The following KCNA4 variants were observed in gnomAD, a reference collection of about 807,000 sequenced individuals.
KCNA4 encodes the protein potassium voltage-gated channel subfamily A member 4.
A neutral mutation model predicts 37.2 loss-of-function variants in KCNA4; 5 were observed. That is an observed-to-expected ratio of 0.13 (90% CI 0.07 to 0.28). The LOEUF (loss-of-function observed/expected upper bound fraction) is 0.28, where lower values mean the gene tolerates loss of function less well. Among genes scored for constraint, KCNA4 ranks in the 10% least tolerant of loss-of-function variants. KCNA4 has a pLI of 1.00. For missense variants in KCNA4, 634 were observed against 817.4 expected (o/e 0.78, Z 2.74); for synonymous variants, 350 against 311.8 (o/e 1.12, Z -1.29).
Position 30,012,617 on chromosome 11 carries a change from T to C in KCNA4, c.62A>G (p.Tyr21Cys), listed in dbSNP as rs1280008064. ...SGCNSHMPYG[Y>C]AAQARARERE... Reference sequence around the variant, plus strand: ...CTCCCGGGCCCGGGCCTGGGCAGCATAACCATAAGGCATGTGACTGTTGCA... The same window carrying C: ...CTCCCGGGCCCGGGCCTGGGCAGCACAACCATAAGGCATGTGACTGTTGCA... The change falls in exon 2 of 2, where the codon TAT becomes TGT. Residue 21 changes from tyrosine (Y) to cysteine (C), a missense_variant. Transcript: ENST00000328224. The C allele has an allele frequency of 5.0e-6, 8 of 1,607,326 alleles. No individual in the cohort carries two copies. The highest frequency in any genetic ancestry group is 6.8e-6 in the Non-Finnish European group (8 of 1,178,188).
Position 30,013,094 on chromosome 11 carries a change from T to A in KCNA4, c.-416A>T. 1 of 173,960 alleles carries A rather than the reference T, an allele frequency of 5.7e-6. No individual in the cohort carries two copies. The highest frequency in any genetic ancestry group is 2.4e-5 in the African/African-American group (1 of 41,816). 10.8% of individuals were successfully genotyped at this position (173,960 alleles called of 1,614,324 possible). On this transcript the variant is annotated 5_prime_UTR_variant, in exon 2 of 2. Transcript: ENST00000328224. ...AGTTGTGCCTAGAAAATGAAATATA[T>A]TTTTCTGCCATGGAAATTGGCCAAT...
In KCNA4 at chr11:30,011,773, G is replaced by A. The variant is rs780653547; in HGVS notation, c.906C>T (p.Ser302=). Residue 302 remains serine, a synonymous_variant, in exon 2 of 2, where the codon AGC becomes AGT. Coordinates refer to ENST00000328224, the MANE Select transcript of KCNA4 (RefSeq NM_002233.4). The surrounding 1 kb of genome is among the most constrained non-coding windows in gnomAD (Gnocchi z 5.6). ...QIWLLFEYPE[S]SSPARGIAIV... ...TGGCTATGCCCCTTGCAGGACTGGA[G>A]CTCTCTGGATATTCAAAGAGGAGCC... 1.9e-6 allele frequency: 3 copies of A among 1,614,098 alleles called. No homozygotes were observed. The highest frequency in any genetic ancestry group is 3.3e-5 in the Admixed American group (2 of 60,010).
At position 30,009,877 on chromosome 11, in the gene KCNA4, G is replaced by A. The variant is rs529592635; in HGVS notation, c.*840C>T. 1 of 151,974 alleles carries A rather than the reference G, an allele frequency of 6.6e-6. No individual in the cohort carries two copies. Among genetic ancestry groups the A allele is most frequent in the Non-Finnish European group, 1.5e-5 (1 of 67,940 alleles). 9.4% of individuals were successfully genotyped at this position (151,974 alleles called of 1,614,324 possible). A position where few individuals can be genotyped will look rare whatever the true frequency, so the allele number is the denominator to read the frequency against. ...AAGAAAACAATAAAATAAGACTAAA[G>A]AAATCATTCTTCCAATGATTGTCAT... is the stretch of plus-strand genomic sequence containing the variant. On this transcript the variant is annotated 3_prime_UTR_variant, in exon 2 of 2. Transcript: ENST00000328224.
In KCNA4 at chr11:30,011,788, A is replaced by G. The variant is rs1472591260; in HGVS notation, c.891T>C (p.Phe297=). 4 of 1,614,074 alleles carry G rather than the reference A, an allele frequency of 2.5e-6. No homozygotes were observed. In the South Asian group the frequency reaches 3.3e-5, roughly 13 times the overall value. The change falls in exon 2 of 2, where the codon TTT becomes TTC. Residue 297 remains phenylalanine (F), a synonymous_variant. Coordinates refer to ENST00000328224, the MANE Select transcript of KCNA4 (RefSeq NM_002233.4). The surrounding 1 kb of genome is among the most constrained non-coding windows in gnomAD (Gnocchi z 5.6). The stretch of plus-strand genomic sequence containing the variant: ...CAGGACTGGAGCTCTCTGGATATTC[A>G]AAGAGGAGCCAAATCTGCTTTTTAA... ...NEFKKQIWLL[F]EYPESSSPAR...
In KCNA4 at chr11:30,012,266, C is replaced by T. The variant is rs1564936126; in HGVS notation, c.413G>A (p.Gly138Glu). The T allele has an allele frequency of 6.2e-7, 1 of 1,614,048 alleles. No homozygotes were observed. ...GTCATCTTCACTATAGTAAAACCTT[C>T]CCTCCTCTTCCTCCTCTTCCTCCTC... is the stretch of plus-strand genomic sequence containing the variant. ...EEEEEEEEEE[G>E]RFYYSEDDHG... Residue 138 changes from glycine (G) to glutamate (E), a missense_variant, in exon 2 of 2, where the codon GGA becomes GAA. By Grantham distance (98) the Gly-to-Glu change is moderately conservative. Coordinates refer to ENST00000328224, the MANE Select transcript of KCNA4 (RefSeq NM_002233.4).
In KCNA4 at chr11:30,011,631, A is replaced by G. The variant is rs757248722; in HGVS notation, c.1048T>C (p.Leu350=). The change falls in exon 2 of 2, where the codon TTG becomes CTG. Residue 350 remains leucine (L), a synonymous_variant. Coordinates refer to ENST00000328224, the MANE Select transcript of KCNA4 (RefSeq NM_002233.4). The surrounding 1 kb of genome is among the most constrained non-coding windows in gnomAD (Gnocchi z 5.6). ...MALSAGGHGG[L]LNDTSAPHLE... is the part of the protein sequence containing the mutation. ...TGGGGTGCTGAAGTATCATTCAACA[A>G]CCCACCATGCCCGCCAGCACTCAGT... 2 of 1,613,874 alleles carry G rather than the reference A, an allele frequency of 1.2e-6. No homozygotes were observed. Among genetic ancestry groups the G allele is most frequent in the South Asian group, 1.1e-5 (1 of 91,060 alleles).
chr11:30,016,672 T>C lies in KCNA4; in HGVS notation c.-883A>G. 1 of 219,242 alleles carries C rather than the reference T, an allele frequency of 4.6e-6. No homozygotes were observed. Among genetic ancestry groups the C allele is most frequent in the Admixed American group, 9.0e-5 (1 of 11,098 alleles). 13.6% of individuals were successfully genotyped at this position (219,242 alleles called of 1,614,324 possible). A position where few individuals can be genotyped will look rare whatever the true frequency, so the allele number is the denominator to read the frequency against. Reference sequence around the variant, plus strand: ...AGCTGGAGGAGGGGAAGAATGATCCTGGGTGGGGGGCGGGGGGTGGTAAAA... The same window carrying C: ...AGCTGGAGGAGGGGAAGAATGATCCCGGGTGGGGGGCGGGGGGTGGTAAAA... On this transcript the variant is annotated 5_prime_UTR_variant, in exon 1 of 2. Transcript: ENST00000328224.
At position 30,016,707 on chromosome 11, in the gene KCNA4, C is replaced by G; in HGVS notation, c.-918G>C. 2.9e-6 allele frequency: 1 copy of G among 342,474 alleles called. No homozygotes were observed. Among genetic ancestry groups the G allele is most frequent in the Non-Finnish European group, 5.2e-6 (1 of 191,824 alleles). 21.2% of individuals were successfully genotyped at this position (342,474 alleles called of 1,614,324 possible). A position where few individuals can be genotyped will look rare whatever the true frequency, so the allele number is the denominator to read the frequency against. ...GCGGGGGGTGGTAAAAGGAATCACT[C>G]GGGTTTGGCAGGTGGAGGCTCCAAA... is the stretch of plus-strand genomic sequence containing the variant. On this transcript the variant is annotated 5_prime_UTR_variant, in exon 1 of 2. Coordinates refer to ENST00000328224, the MANE Select transcript of KCNA4 (RefSeq NM_002233.4).
In KCNA4 at chr11:30,014,464, G is replaced by A. The variant is rs74554280; in HGVS notation, c.-782-1004C>T. Among the ~76,000 whole-genome samples, 16 of 152,172 alleles carry A rather than the reference G, an allele frequency of 1.1e-4. No individual in the cohort carries two copies. In the East Asian group the frequency reaches 2.5e-3, roughly 24 times the overall value. On this transcript the variant is annotated intron_variant, in intron 1 of 1. Coordinates refer to ENST00000328224, the MANE Select transcript of KCNA4 (RefSeq NM_002233.4). ...GGTTCCTCCTCCACTCTGCTCAAGGGACTATCTCCTTATTTTTTTAAATGT... is the reference window on the plus strand; with the variant it reads ...GGTTCCTCCTCCACTCTGCTCAAGGAACTATCTCCTTATTTTTTTAAATGT...
chr11:30,013,284 A>G lies in KCNA4; in HGVS notation c.-606T>C, dbSNP rs918361278. ...TCCAGGCTCTCCTTTTAAGTTCATC[A>G]AAGGCTTCCTGTACCCAGGTACAAT... On this transcript the variant is annotated 5_prime_UTR_variant, in exon 2 of 2. It removes the in-frame stop codon of an upstream open reading frame in the 5' UTR. Transcript: ENST00000328224. The G allele has an allele frequency of 4.2e-5, 7 of 167,182 alleles. No homozygotes were observed. Among genetic ancestry groups the G allele is most frequent in the Non-Finnish European group, 1.0e-4 (7 of 68,174 alleles). The allele number at this position is 167,182 out of a possible 1,614,324, so 10.4% of individuals were successfully genotyped here.
rs760105794 is a variant in KCNA4 at position 30,012,458 on chromosome 11, T to C, written c.221A>G (p.His74Arg). ...ACTACCCCGGCTGCTCTGAGGGTCATGGGAGGTACAGGCCCCGCGTGACTG... is the reference window on the plus strand; with the variant it reads ...ACTACCCCGGCTGCTCTGAGGGTCACGGGAGGTACAGGCCCCGCGTGACTG... ...HHQSRGACTS[H>R]DPQSSRGSRR... Residue 74 changes from histidine (H) to arginine (R), a missense_variant, in exon 2 of 2, where the codon CAT becomes CGT. Transcript: ENST00000328224. The C allele has an allele frequency of 1.9e-5, 31 of 1,612,698 alleles. No individual in the cohort carries two copies. The highest frequency in any genetic ancestry group is 1.3e-5 in the Non-Finnish European group (15 of 1,180,012).
chr11:30,012,268 C>A lies in KCNA4; in HGVS notation c.411G>T (p.Glu137Asp), dbSNP rs780472651. Reference protein sequence around the residue: ...DEEEEEEEEEEGRFYYSEDDH... With the variant: ...DEEEEEEEEEDGRFYYSEDDH... ...CATCTTCACTATAGTAAAACCTTCCCTCCTCTTCCTCCTCTTCCTCCTCCT... is the reference window on the plus strand; with the variant it reads ...CATCTTCACTATAGTAAAACCTTCCATCCTCTTCCTCCTCTTCCTCCTCCT... The change falls in exon 2 of 2, where the codon GAG (glutamate) becomes GAT (aspartate). Residue 137 changes from glutamate to aspartate, a missense_variant. Around this residue, in one of 8 missense-constraint regions of KCNA4, gnomAD observed 236 missense variants for 229.5 expected, o/e 1.03. Transcript: ENST00000328224. 2 of 1,613,760 alleles carry A rather than the reference C, an allele frequency of 1.2e-6. No individual in the cohort carries two copies. The highest frequency in any genetic ancestry group is 3.3e-5 in the Admixed American group (2 of 59,998).
intron 1 of KCNA4, among the ~76,000 whole-genome samples, chr11:30,013,965 T>TTA (rs1450459187): frequency 6.6e-6 from 1 of 152,220 alleles, no homozygotes; most frequent in East Asian, 1.9e-4. Context: ...ATTCTTATTC[T>TTA]TTGTGCAGAC....
intron 1 of KCNA4, 132 bp from the exon 2 acceptor site, chr11:30,013,592 C>T (rs1181745056): frequency 6.6e-6 from 1 of 152,408 alleles, no homozygotes; most frequent in Non-Finnish European, 1.5e-5. Context: ...ACACCAAGCA[C>T]CAATATTTTC....
rs758299367 is a variant in KCNA4, at chr11:30,011,754, T to C, written c.925A>G (p.Ile309Val). Residue 309 changes from isoleucine to valine, a missense_variant, in exon 2 of 2, where the codon ATA (isoleucine) becomes GTA (valine). Ile to Val is a conservative substitution (Grantham distance 29). Coordinates refer to ENST00000328224, the MANE Select transcript of KCNA4 (RefSeq NM_002233.4). This position sits in a 1 kb window ranked among gnomAD's most constrained non-coding sequence, Gnocchi z 5.6. ...ATGACCAGGACGGACACAATGGCTA[T>C]GCCCCTTGCAGGACTGGAGCTCTCT... ...YPESSSPARG[I>V]AIVSVLVILI... 6 of 1,614,074 alleles carry C rather than the reference T, an allele frequency of 3.7e-6. No homozygotes were observed. The highest frequency in any genetic ancestry group is 5.1e-6 in the Non-Finnish European group (6 of 1,180,010).
Position 30,013,097 on chromosome 11 carries a change from T to G in KCNA4, c.-419A>C. 1 of 173,298 alleles carries G rather than the reference T, an allele frequency of 5.8e-6. No individual in the cohort carries two copies. Among genetic ancestry groups the G allele is most frequent in the Non-Finnish European group, 1.4e-5 (1 of 72,658 alleles). The allele number at this position is 173,298 out of a possible 1,614,324, so 10.7% of individuals were successfully genotyped here. ...TGTGCCTAGAAAATGAAATATATTT[T>G]TCTGCCATGGAAATTGGCCAATGCT... On this transcript the variant is annotated 5_prime_UTR_variant, in exon 2 of 2. Coordinates refer to ENST00000328224, the MANE Select transcript of KCNA4 (RefSeq NM_002233.4).
In KCNA4 at chr11:30,016,634, C is replaced by G. The variant is rs547395834; in HGVS notation, c.-845G>C. ...TCCACCGGCTGGCTTGTTTTTCCCC[C>G]TCAAGCTGCAACAGCTGGAGGAGGG... On this transcript the variant is annotated 5_prime_UTR_variant, in exon 1 of 2. Transcript: ENST00000328224. 5 of 244,050 alleles carry G rather than the reference C, an allele frequency of 2.0e-5. No homozygotes were observed. The highest frequency in any genetic ancestry group is 1.8e-4 in the South Asian group (1 of 5,424). The allele number at this position is 244,050 out of a possible 1,614,324, so 15.1% of individuals were successfully genotyped here. A position where few individuals can be genotyped will look rare whatever the true frequency, so the allele number is the denominator to read the frequency against.
At position 30,011,621 on chromosome 11, in the gene KCNA4, T is replaced by A; in HGVS notation, c.1058A>T (p.Asp353Val). The A allele has an allele frequency of 6.2e-7, 1 of 1,614,012 alleles. No individual in the cohort carries two copies. Among genetic ancestry groups the A allele is most frequent in the Non-Finnish European group, 8.5e-7 (1 of 1,180,006 alleles). ...GTTCTCCAGATGGGGTGCTGAAGTA[T>A]CATTCAACAACCCACCATGCCCGCC... ...SAGGHGGLLN[D>V]TSAPHLENSG... The change falls in exon 2 of 2, where the codon GAT becomes GTT. Residue 353 changes from aspartate (D) to valine (V), a missense_variant. This residue lies in a region of KCNA4 where 252 missense variants were observed against 344.2 expected (regional missense o/e 0.73). Coordinates refer to ENST00000328224, the MANE Select transcript of KCNA4 (RefSeq NM_002233.4). This position sits in a 1 kb window ranked among gnomAD's most constrained non-coding sequence, Gnocchi z 5.6.
At chr11:30,016,484 A>T (rs1423920313) in intron 1 of KCNA4, 88 bp downstream of exon 1, 1 of 145,038 alleles carries the variant, frequency 6.9e-6, no homozygotes, top group African/African-American at 2.6e-5. Flanking sequence ...TTTATCCCTC[A>T]AATGTCCACT....
Sources: allele counts gnomAD v4.1 joint callset (sites outside exome capture counted in the v4.1 genomes callset), GRCh38; gene constraint gnomAD v4.1.1; regional missense constraint gnomAD v4.1.1; non-coding constraint Gnocchi (gnomAD v3.1); transcripts MANE v1.5; gene names NCBI Gene and HGNC (gene_info 2026-07-23, HGNC 2026-07-21).